The following EPX variants were observed in gnomAD, a reference collection of about 807,000 sequenced individuals.
EPX encodes eosinophil peroxidase.
Under a neutral mutation model 73.0 loss-of-function variants are expected in EPX, and 60 were observed. That is an observed-to-expected ratio of 0.82 (90% CI 0.67 to 1.02). EPX has a LOEUF of 1.02. Ranked by LOEUF, EPX falls within the 50% of genes least tolerant of loss-of-function variation. The pLI is 0.00. For synonymous variants in EPX, 347 were observed against 389.2 expected, an observed-to-expected ratio of 0.89 and a Z score of 1.28; for missense variants, 950 against 973.9, an observed-to-expected ratio of 0.98 and a Z score of 0.33.
At position 58,204,412 on chromosome 17, in the gene EPX, C is replaced by T. The variant is rs757233476; in HGVS notation, c.2137C>T (p.Arg713Ter). Residue 713 changes from arginine (R) to a stop codon, truncating the protein, a stop_gained, in exon 12 of 13, where the codon CGA (arginine) becomes TGA (stop). Transcript: ENST00000225371. LOFTEE classifies it high-confidence loss of function. ...CCCCAGGTTGAACCTATCAGCCTGG[C>T]GAGGGACATGAGGCTTCTGCAGGTA... ...RIPRLNLSAW[R>*]GT 21 of 1,613,192 alleles carry T rather than the reference C, an allele frequency of 1.3e-5. No individual in the cohort carries two copies. Among genetic ancestry groups the T allele is most frequent in the Admixed American group, 1.2e-4 (7 of 60,004 alleles).
intron 6 of EPX, among the ~76,000 whole-genome samples, chr17:58,196,051 CTTT>C (rs1047783173): frequency 8.0e-4 from 111 of 138,468 alleles, no homozygotes; most frequent in Non-Finnish European, 1.6e-3. Context: ...CTTTTTCTTT[CTTT>C]TTCTTTCTTC....
intron 5 of EPX, 96 bp from the exon 6 acceptor site, chr17:58,194,868 A>G (rs948934770): frequency 1.5e-5 from 13 of 887,084 alleles, no homozygotes; most frequent in Non-Finnish European, 2.2e-5. Flanking sequence ...TGTCAATTCC[A>G]GCAGGGGAGC....
chr17:58,193,206 A>G (rs1567787543), intron 2 of EPX, 75 bp downstream of exon 2: 1 of 1,259,178 alleles, frequency 7.9e-7, no homozygotes, highest in Non-Finnish European at 1.2e-6. Flanking sequence ...AGTTCATCTC[A>G]CTCATCAGCC....
chr17:58,195,127 G>A lies in EPX; in HGVS notation c.758G>A (p.Cys253Tyr). ...GTGGCCTTCACTGCAGGCGTTGACT[G>A]TGAGAGGACCTGCGCCCAGCTGCCC... ...ARVAFTAGVD[C>Y]ERTCAQLPPC... Residue 253 changes from cysteine (C) to tyrosine (Y), a missense_variant, in exon 6 of 13, where the codon TGT becomes TAT. Coordinates refer to ENST00000225371, the MANE Select transcript of EPX (RefSeq NM_000502.6). 3.1e-6 allele frequency: 5 copies of A among 1,614,158 alleles called. No individual in the cohort carries two copies. Among genetic ancestry groups the A allele is most frequent in the Non-Finnish European group, 4.2e-6 (5 of 1,179,996 alleles).
intron 10 of EPX, among the ~76,000 whole-genome samples, chr17:58,201,116 G>A (rs1968335875): frequency 6.6e-6 from 1 of 152,176 alleles, no homozygotes; most frequent in Non-Finnish European, 1.5e-5. Flanking sequence ...CCCAGTAGGG[G>A]AAGGTTTTGG....
chr17:58,198,963 C>T (rs1356473818), intron 7 of EPX, 77 bp from the exon 8 acceptor site: 12 of 1,524,120 alleles, frequency 7.9e-6, no homozygotes, highest in Non-Finnish European at 1.1e-5. Flanking sequence ...TCTCCCATCC[C>T]CAGCCCTGGG....
intron 6 of EPX, 77 bp downstream of exon 6, chr17:58,195,247 A>G (rs763478702): frequency 1.1e-4 from 124 of 1,149,812 alleles, no homozygotes; most frequent in Non-Finnish European, 1.5e-4. Flanking sequence ...GGGGATCTGG[A>G]AGACTGGAGC....
At chr17:58,204,065 G>A (rs1024670941) in intron 11 of EPX, among the ~76,000 whole-genome samples, 157 bp from the exon 12 acceptor site, 2 of 147,382 alleles carry the variant, frequency 1.4e-5, no homozygotes, top group Non-Finnish European at 3.0e-5. Flanking sequence ...CAATTTATTT[G>A]GCCACTGAAT....
At position 58,195,056 on chromosome 17, in the gene EPX, G is replaced by A; in HGVS notation, c.687G>A (p.Gln229=). ...GRALMFMQWG[Q]FIDHDLDFSP... is the part of the protein sequence containing the mutation. ...CCCTCATGTTCATGCAGTGGGGCCA[G>A]TTCATTGACCATGACCTGGACTTCT... Residue 229 remains glutamine (Q), a synonymous_variant, in exon 6 of 13, where the codon CAG becomes CAA. Coordinates refer to ENST00000225371, the MANE Select transcript of EPX (RefSeq NM_000502.6). 1 of 1,614,038 alleles carries A rather than the reference G, an allele frequency of 6.2e-7. No homozygotes were observed. The highest frequency in any genetic ancestry group is 1.1e-5 in the South Asian group (1 of 91,076).
At chr17:58,201,628 T>G (rs1968342552) in intron 10 of EPX, among the ~76,000 whole-genome samples, 1 of 152,182 alleles carries the variant, frequency 6.6e-6, no homozygotes, top group South Asian at 2.1e-4. Flanking sequence ...GATCAGGTCC[T>G]TTTTTCAGTG....
At chr17:58,202,448 T>A (rs566518676) in intron 10 of EPX, 10 of 153,422 alleles carry the variant, frequency 6.5e-5, no homozygotes, top group Non-Finnish European at 1.3e-4. Context: ...ATGATTTTAG[T>A]GTATTTAGAG....
In EPX at chr17:58,195,121, T is replaced by C. The variant is rs1439289293; in HGVS notation, c.752T>C (p.Val251Ala). 1.2e-5 allele frequency: 19 copies of C among 1,614,018 alleles called. No homozygotes were observed. Among genetic ancestry groups the C allele is most frequent in the South Asian group, 2.2e-5 (2 of 91,078 alleles). Residue 251 changes from valine (V) to alanine (A), a missense_variant, in exon 6 of 13, where the codon GTT (valine) becomes GCT (alanine). Coordinates refer to ENST00000225371, the MANE Select transcript of EPX (RefSeq NM_000502.6). ...GCCAGAGTGGCCTTCACTGCAGGCG[T>C]TGACTGTGAGAGGACCTGCGCCCAG... The part of the protein sequence containing the change: ...SPARVAFTAG[V>A]DCERTCAQLP...
At chr17:58,197,544 T>C (rs1968278295) in intron 7 of EPX, among the ~76,000 whole-genome samples, 1 of 152,104 alleles carries the variant, frequency 6.6e-6, no homozygotes, top group Non-Finnish European at 1.5e-5. Flanking sequence ...TGTTAGAAAG[T>C]CTCCTTATTT....
intron 5 of EPX, among the ~76,000 whole-genome samples, chr17:58,194,541 T>C (rs886688641): frequency 1.3e-5 from 2 of 152,214 alleles, no homozygotes; most frequent in Admixed American, 6.5e-5. Flanking sequence ...TTAATTAATT[T>C]TCTTCTATCC....
chr17:58,193,529 G>C lies in EPX; in HGVS notation c.329G>C (p.Gly110Ala). ...GAGAAGTTACAACCCCAGCGGTCCG[G>C]ACCCTTCAATGTCACTGGTACTCTG... is the stretch of plus-strand genomic sequence containing the variant. The part of the protein sequence containing the change: ...LEEKLQPQRS[G>A]PFNVTDVLTE... Residue 110 changes from glycine to alanine, a missense_variant, in exon 3 of 13, where the codon GGA (glycine) becomes GCA (alanine). Transcript: ENST00000225371. 1 of 1,614,188 alleles carries C rather than the reference G, an allele frequency of 6.2e-7. No individual in the cohort carries two copies. The highest frequency in any genetic ancestry group is 8.5e-7 in the Non-Finnish European group (1 of 1,180,030).
chr17:58,204,888 C>T lies in EPX; in HGVS notation c.*164C>T, dbSNP rs1968410644. The T allele has an allele frequency of 5.1e-6, 1 of 195,198 alleles. No homozygotes were observed. The highest frequency in any genetic ancestry group is 1.0e-4 in the South Asian group (1 of 9,574). The allele number at this position is 195,198 out of a possible 1,614,324, so 12.1% of individuals were successfully genotyped here. On this transcript the variant is annotated 3_prime_UTR_variant, in exon 13 of 13. Coordinates refer to ENST00000225371, the MANE Select transcript of EPX (RefSeq NM_000502.6). Reference sequence around the variant, plus strand: ...CAGCCAGGAGTGAAGGCTGGGGGCTCCTATCAGCAATGGACCTTCCCGCCT... The same window carrying T: ...CAGCCAGGAGTGAAGGCTGGGGGCTTCTATCAGCAATGGACCTTCCCGCCT...
intron 10 of EPX, among the ~76,000 whole-genome samples, chr17:58,202,039 A>T (rs1968348899): frequency 1.3e-5 from 2 of 152,240 alleles, no homozygotes. Context: ...CTTAACAGTA[A>T]AGTGACCCTG....
intron 11 of EPX, among the ~76,000 whole-genome samples, chr17:58,203,801 G>A (rs903769650): frequency 9.4e-5 from 14 of 149,712 alleles, no homozygotes; most frequent in Non-Finnish European, 4.5e-5. Context: ...GCGTAGTGGC[G>A]GGCGCCTGTA....
intron 9 of EPX, 88 bp from the exon 10 acceptor site, chr17:58,200,137 G>C (rs1968319301): frequency 9.1e-6 from 12 of 1,312,018 alleles, no homozygotes; most frequent in African/African-American, 1.4e-5. Flanking sequence ...GGCTTGTCCA[G>C]CTCTGGGCTA....
Sources: allele counts gnomAD v4.1 joint callset (sites outside exome capture counted in the v4.1 genomes callset), GRCh38; gene constraint gnomAD v4.1.1; transcripts MANE v1.5; gene names NCBI Gene and HGNC (gene_info 2026-07-23, HGNC 2026-07-21).